Variants in DPP10 observed in about 807,000 individuals in gnomAD.
DPP10 encodes inactive dipeptidyl peptidase 10.
Under a neutral mutation model 120.9 loss-of-function variants are expected in DPP10, and 33 were observed. The observed-to-expected ratio is 0.27, with a 90% CI of 0.21 to 0.37. DPP10 has a LOEUF of 0.37. DPP10 is among the 10% of genes least tolerant of loss of function. The probability of loss-of-function intolerance (pLI) is 1.00; values close to 1 mark genes in which losing one functional copy is unlikely to be tolerated. For missense variants in DPP10, 816 were observed against 942.8 expected (o/e 0.87, Z 1.76); for synonymous variants, 337 against 326.1 (o/e 1.03, Z -0.36).
chr2:115,256,230 G>T (rs1036942306), intron 1 of DPP10, among the ~76,000 whole-genome samples: 7 of 151,982 alleles, frequency 4.6e-5, no homozygotes, highest in Non-Finnish European at 8.8e-5. Context: ...CAAGCAAAAG[G>T]GGGAAAAGCC....
At chr2:115,646,049 C>T (rs1055735002) in intron 5 of DPP10, among the ~76,000 whole-genome samples, 3 of 152,038 alleles carry the variant, frequency 2.0e-5, no homozygotes, top group African/African-American at 7.2e-5. Context: ...ATTTCACTTC[C>T]CATCACACAC....
chr2:115,465,292 G>A (rs571817117), intron 3 of DPP10, among the ~76,000 whole-genome samples: 10 of 152,122 alleles, frequency 6.6e-5, no homozygotes, highest in Admixed American at 5.9e-4. Flanking sequence ...CGCATGTGAA[G>A]CTTGGAATAA....
intron 1 of DPP10, among the ~76,000 whole-genome samples, chr2:114,943,961 G>A (rs1697165161): frequency 6.6e-6 from 1 of 152,116 alleles, no homozygotes; most frequent in Non-Finnish European, 1.5e-5. Context: ...AAGATGTTAT[G>A]GCTGCACAGT....
chr2:115,508,202 G>A (rs1050597274), intron 4 of DPP10, among the ~76,000 whole-genome samples: 1 of 152,024 alleles, frequency 6.6e-6, no homozygotes, highest in Non-Finnish European at 1.5e-5. Context: ...ATAATAAATA[G>A]AACATAGACA....
chr2:114,596,739 A>C (rs1010800217), intron 1 of DPP10, among the ~76,000 whole-genome samples: 1 of 151,950 alleles, frequency 6.6e-6, no homozygotes, highest in East Asian at 1.9e-4. Context: ...TGAGGCAGAG[A>C]GAAGTAAAGT....
intron 3 of DPP10, among the ~76,000 whole-genome samples, chr2:115,435,804 T>A (rs1215431327): frequency 1.3e-5 from 2 of 151,968 alleles, no homozygotes; most frequent in Non-Finnish European, 2.9e-5. Flanking sequence ...AGTGTTTTCT[T>A]CTAGTAGTTT....
intron 14 of DPP10, 35 bp from the exon 15 acceptor site, chr2:115,777,752 T>A (rs143976038): frequency 2.9e-5 from 46 of 1,609,060 alleles, no homozygotes; most frequent in Non-Finnish European, 3.9e-5. Context: ...AATAGATCTG[T>A]GTCTAATGCT....
At chr2:114,537,756 T>C (rs1573598907) in intron 1 of DPP10, among the ~76,000 whole-genome samples, 1 of 152,132 alleles carries the variant, frequency 6.6e-6, no homozygotes, top group Non-Finnish European at 1.5e-5. Flanking sequence ...ATGGGGACAA[T>C]GTAGAGTTAT....
In DPP10 at chr2:115,768,550, C is replaced by T; in HGVS notation, c.1221+146C>T. ...ACAGACATCTTAGGAAGAGGACCTC[C>T]ATCCATAGCCATACATTCAAGCCTT... is the stretch of plus-strand genomic sequence containing the variant. On this transcript the variant is annotated intron_variant, in intron 13 of 25. Coordinates refer to ENST00000410059, the MANE Select transcript of DPP10 (RefSeq NM_020868.6). 4 of 613,890 alleles carry T rather than the reference C, an allele frequency of 6.5e-6. No homozygotes were observed. The South Asian group carries it at 8.2e-5, about 13-fold the overall frequency. The allele number at this position is 613,890 out of a possible 1,614,324, so 38.0% of individuals were successfully genotyped here. A position where few individuals can be genotyped will look rare whatever the true frequency, so the allele number is the denominator to read the frequency against.
intron 5 of DPP10, among the ~76,000 whole-genome samples, chr2:115,571,019 G>A (rs921025431): frequency 6.6e-6 from 1 of 152,178 alleles, no homozygotes; most frequent in Non-Finnish European, 1.5e-5. Flanking sequence ...AAATGCAGAG[G>A]CAGTCACTTG....
intron 3 of DPP10, among the ~76,000 whole-genome samples, chr2:115,466,786 G>T (rs1279681657): frequency 6.6e-6 from 1 of 152,114 alleles, no homozygotes; most frequent in Non-Finnish European, 1.5e-5. Flanking sequence ...AGTATGACTG[G>T]GACAGGTTAC....
chr2:114,981,122 A>T (rs1233449682), intron 1 of DPP10, among the ~76,000 whole-genome samples: 1 of 152,070 alleles, frequency 6.6e-6, no homozygotes, highest in African/African-American at 2.4e-5. Flanking sequence ...TGTATTTCTC[A>T]AAACTCTAAA....
intron 3 of DPP10, among the ~76,000 whole-genome samples, chr2:115,348,949 C>T (rs1385861394): frequency 1.3e-5 from 2 of 152,088 alleles, no homozygotes; most frequent in African/African-American, 4.8e-5. Context: ...CAGTGGTCAA[C>T]CCTTCACCAA....
At chr2:115,165,742 G>A (rs2052786142) in intron 1 of DPP10, among the ~76,000 whole-genome samples, 2 of 151,884 alleles carry the variant, frequency 1.3e-5, no homozygotes, top group African/African-American at 4.8e-5. Context: ...GACTCCAGTG[G>A]GTAAAAATAT....
intron 1 of DPP10, among the ~76,000 whole-genome samples, chr2:115,125,695 C>T (rs1476640377): frequency 6.6e-6 from 1 of 151,764 alleles, no homozygotes; most frequent in Non-Finnish European, 1.5e-5. Flanking sequence ...CCTCAGCCTC[C>T]TGAGTAGCTG....
intron 1 of DPP10, among the ~76,000 whole-genome samples, chr2:114,972,944 T>C (rs1699494123): frequency 6.6e-6 from 1 of 152,232 alleles, no homozygotes; most frequent in Non-Finnish European, 1.5e-5. Flanking sequence ...ATAGCCTCTG[T>C]CCAGCATCCA....
chr2:115,381,616 G>T (rs1463842674), intron 3 of DPP10, among the ~76,000 whole-genome samples: 1 of 152,194 alleles, frequency 6.6e-6, no homozygotes, highest in Non-Finnish European at 1.5e-5. Context: ...TCCTTTGGAG[G>T]AGGAGAGACG....
chr2:115,502,968 A>T lies in DPP10; in HGVS notation c.366+3364A>T, dbSNP rs7588031. Among the ~76,000 whole-genome samples the T allele has an allele frequency of 2.6e-5, 4 of 152,046 alleles. No individual in the cohort carries two copies. In the South Asian group the frequency reaches 8.3e-4, roughly 32 times the overall value. ...TCCTCCTCTGGTGGCCTCACAAAGC[A>T]CTAGGTTTATAAGAGTGAGTCACAG... On this transcript the variant is annotated intron_variant, in intron 4 of 25. Coordinates refer to ENST00000410059, the MANE Select transcript of DPP10 (RefSeq NM_020868.6).
chr2:114,706,534 A>G (rs1322193519), intron 1 of DPP10, among the ~76,000 whole-genome samples: 1 of 152,158 alleles, frequency 6.6e-6, no homozygotes, highest in East Asian at 1.9e-4. Flanking sequence ...TTCTGCCTTC[A>G]TCTTCACATG....
Sources: allele counts gnomAD v4.1 joint callset (sites outside exome capture counted in the v4.1 genomes callset), GRCh38; gene constraint gnomAD v4.1.1; transcripts MANE v1.5; gene names NCBI Gene and HGNC (gene_info 2026-07-23, HGNC 2026-07-21).